The following RPL7L1 variants were observed in gnomAD, a reference collection of about 807,000 sequenced individuals.
The protein encoded by RPL7L1 is ribosomal protein L7 like 1.
In RPL7L1, 20 loss-of-function variants were observed where a neutral mutation model predicts 30.3. The ratio of observed to expected loss-of-function variants is 0.66; its 90% CI spans 0.46 to 0.96. RPL7L1 has a LOEUF of 0.96. Ranked by LOEUF, RPL7L1 falls within the 40% of genes least tolerant of loss-of-function variation. The probability of loss-of-function intolerance (pLI) is 0.00; values close to 1 mark genes in which losing one functional copy is unlikely to be tolerated. For missense variants in RPL7L1, 271 were observed against 314.9 expected, an observed-to-expected ratio of 0.86 and a Z score of 1.05; for synonymous variants, 107 against 110.1, an observed-to-expected ratio of 0.97 and a Z score of 0.18.
At chr6:42,883,395 AAAAGT>A (rs771894666) in intron 2 of RPL7L1, 51 bp from the exon 3 acceptor site, 1 of 1,427,028 alleles carries the variant, frequency 7.0e-7, no homozygotes, top group Non-Finnish European at 9.4e-7. Flanking sequence ...TTACTGTTCT[AAAAGT>A]AAAAATGTAT....
At chr6:42,879,982 T>C (rs1766012539) in intron 1 of RPL7L1, 31 bp downstream of exon 1, 4 of 1,610,484 alleles carry the variant, frequency 2.5e-6, no homozygotes, top group African/African-American at 1.3e-5. Flanking sequence ...ATATCTGGAG[T>C]GGGGTCTTGA....
intron 2 of RPL7L1, chr6:42,882,119 C>CA (rs979741090): frequency 6.6e-6 from 1 of 151,948 alleles, no homozygotes; most frequent in Non-Finnish European, 1.5e-5. Context: ...ATGCTGGTCT[C>CA]AAACTCCCGG....
rs1581658540 is a variant in RPL7L1 at position 42,884,648 on chromosome 6, T to C, written c.347T>C (p.Ile116Thr). Reference protein sequence around the residue: ...DGVSLLVQRTIARLRLKKIFS... With the variant: ...DGVSLLVQRTTARLRLKKIFS... ...GTGAGTTTACTGGTGCAGAGAACCA[T>C]TGCAAGACTTCGCCTAAAGAAAATT... is the stretch of plus-strand genomic sequence containing the variant. Residue 116 changes from isoleucine (I) to threonine (T), a missense_variant, in exon 4 of 6, where the codon ATT becomes ACT. Transcript: ENST00000493763. The C allele has an allele frequency of 1.9e-6, 3 of 1,613,500 alleles. No individual in the cohort carries two copies. Among genetic ancestry groups the C allele is most frequent in the Non-Finnish European group, 2.5e-6 (3 of 1,179,848 alleles).
chr6:42,880,036 C>T, intron 1 of RPL7L1, 85 bp downstream of exon 1: 1 of 1,320,194 alleles, frequency 7.6e-7, no homozygotes, highest in Non-Finnish European at 1.1e-6. Context: ...GTGGCGGATT[C>T]CTGTGGGCTC....
In RPL7L1 at chr6:42,880,961, A is replaced by G; in HGVS notation, c.142A>G (p.Lys48Glu). The G allele has an allele frequency of 6.5e-7, 1 of 1,531,462 alleles. No homozygotes were observed. Among genetic ancestry groups the G allele is most frequent in the Non-Finnish European group, 9.0e-7 (1 of 1,105,166 alleles). 94.9% of individuals were successfully genotyped at this position (1,531,462 alleles called of 1,614,324 possible). Residue 48 changes from lysine to glutamate, a missense_variant, in exon 2 of 6, where the codon AAG (lysine) becomes GAG (glutamate). Transcript: ENST00000493763. ...TQAKQALLAK[K>E]EQKKGKGLRF... ...GGCAAAGCAGGCACTTTTGGCAAAGAAGGAGGTAATGGTGGGGAACCAAGA... is the reference window on the plus strand; with the variant it reads ...GGCAAAGCAGGCACTTTTGGCAAAGGAGGAGGTAATGGTGGGGAACCAAGA...
At chr6:42,885,810 C>T (rs535686321) in intron 4 of RPL7L1, 164 bp from the exon 5 acceptor site, 14 of 569,404 alleles carry the variant, frequency 2.5e-5, no homozygotes, top group Admixed American at 1.5e-4. Context: ...AGTTCTTTAT[C>T]AGGAGTATTT....
rs755611369 is a variant in RPL7L1 at position 42,883,620 on chromosome 6, G to A, written c.311+6G>A. 1 of 1,575,574 alleles carries A rather than the reference G, an allele frequency of 6.3e-7. No individual in the cohort carries two copies. Among genetic ancestry groups the A allele is most frequent in the Non-Finnish European group, 8.6e-7 (1 of 1,162,678 alleles). On this transcript the variant is annotated splice_donor_region_variant and intron_variant, in intron 3 of 5. Coordinates refer to ENST00000493763, the MANE Select transcript of RPL7L1 (RefSeq NM_001366481.3). ...TTTGTTGTACGCATCGAAAGGTAAG[G>A]AACTGGTGTCTTTCTAATTGCATGA...
intron 1 of RPL7L1, among the ~76,000 whole-genome samples, chr6:42,880,165 C>T (rs1053221263): frequency 8.5e-5 from 13 of 152,136 alleles, no homozygotes; most frequent in African/African-American, 3.1e-4. Flanking sequence ...GGATTGACTT[C>T]AGGCAGCGGG....
At chr6:42,881,067 C>G (rs1040725004) in intron 2 of RPL7L1, 101 bp downstream of exon 2, 2 of 695,104 alleles carry the variant, frequency 2.9e-6, no homozygotes, top group African/African-American at 3.6e-5. Flanking sequence ...CTCCCCCCAA[C>G]GGTTTGACAG....
rs1766002395 is a variant in RPL7L1 at position 42,879,843 on chromosome 6, T to C, written c.-68T>C. ...CGCTGACTGGTCCTCCAGCGTGAGC[T>C]AGAACAGACGTCTCTATGGTCAAGT... On this transcript the variant is annotated 5_prime_UTR_variant, in exon 1 of 6. Transcript: ENST00000493763. The C allele has an allele frequency of 1.3e-6, 2 of 1,550,894 alleles. No individual in the cohort carries two copies. The highest frequency in any genetic ancestry group is 2.2e-5 in the South Asian group (2 of 89,678).
intron 3 of RPL7L1, 114 bp from the exon 4 acceptor site, chr6:42,884,499 A>T (rs1029782040): frequency 1.1e-6 from 1 of 927,652 alleles, no homozygotes; most frequent in Middle Eastern, 3.5e-4. Context: ...TCTTTAAGGC[A>T]TAGTCTCTGT....
chr6:42,885,620 AC>A (rs1766239972), intron 4 of RPL7L1: 1 of 181,680 alleles, frequency 5.5e-6, no homozygotes, highest in African/African-American at 2.4e-5. Context: ...CCCAACAAAA[AC>A]TTGGATTTTA....
chr6:42,889,772 GT>G lies in RPL7L1; in HGVS notation c.*3309del, dbSNP rs1291062446. ...AAAACAATAGTTTGTAATTTATTCT[GT>G]CAGAGCAAACTGCTGGTAAATAAAA... On this transcript the variant is annotated 3_prime_UTR_variant, in exon 6 of 6. Coordinates refer to ENST00000493763, the MANE Select transcript of RPL7L1 (RefSeq NM_001366481.3). The G allele has an allele frequency of 6.6e-6, 1 of 152,150 alleles. No homozygotes were observed. Among genetic ancestry groups the G allele is most frequent in the Non-Finnish European group, 1.5e-5 (1 of 68,028 alleles). 9.4% of individuals were successfully genotyped at this position (152,150 alleles called of 1,614,324 possible).
chr6:42,888,159 TTTTG>T lies in RPL7L1; in HGVS notation c.*1699_*1702del, dbSNP rs756662346. ...CTCAGATACCTGTGCATCTTATGGG[TTTTG>T]TTTTTCTCTTTGAGACAGTCTCACC... On this transcript the variant is annotated 3_prime_UTR_variant, in exon 6 of 6. Coordinates refer to ENST00000493763, the MANE Select transcript of RPL7L1 (RefSeq NM_001366481.3). 1 of 152,098 alleles carries T rather than the reference TTTTG, an allele frequency of 6.6e-6. No homozygotes were observed. The highest frequency in any genetic ancestry group is 2.4e-5 in the African/African-American group (1 of 41,412). 9.4% of individuals were successfully genotyped at this position (152,098 alleles called of 1,614,324 possible).
Position 42,884,593 on chromosome 6 carries a change from T to A in RPL7L1, c.312-20T>A, listed in dbSNP as rs1240431453. 3.1e-6 allele frequency: 5 copies of A among 1,609,474 alleles called. No individual in the cohort carries two copies. The Admixed American group carries it at 8.4e-5, about 27-fold the overall frequency. ...TAAACTGGAGGGAGTCTGTCTGACTTCTGTTGCTGTTCATTTCAGGATTGA... is the reference window on the plus strand; with the variant it reads ...TAAACTGGAGGGAGTCTGTCTGACTACTGTTGCTGTTCATTTCAGGATTGA... On this transcript the variant is annotated intron_variant, in intron 3 of 5. Transcript: ENST00000493763.
At position 42,889,818 on chromosome 6, in the gene RPL7L1, A is replaced by G. The variant is rs1474987350; in HGVS notation, c.*3354A>G. The G allele has an allele frequency of 6.6e-6, 1 of 152,248 alleles. No homozygotes were observed. The highest frequency in any genetic ancestry group is 1.5e-5 in the Non-Finnish European group (1 of 68,046). 9.4% of individuals were successfully genotyped at this position (152,248 alleles called of 1,614,324 possible). A position where few individuals can be genotyped will look rare whatever the true frequency, so the allele number is the denominator to read the frequency against. On this transcript the variant is annotated 3_prime_UTR_variant, in exon 6 of 6. Transcript: ENST00000493763. ...ATAAAAGGGACTAAGTTGACGAAAA[A>G]TAAATTTTAAAAAACCTAATAAAAC...
rs771226910 is a variant in RPL7L1 at position 42,884,661 on chromosome 6, C to G, written c.360C>G (p.Arg120=). The part of the protein sequence containing the change: ...LLVQRTIARL[R]LKKIFSGVFV... ...TGCAGAGAACCATTGCAAGACTTCGCCTAAAGAAAATTTTTAGTGGTGTCT... is the reference window on the plus strand; with the variant it reads ...TGCAGAGAACCATTGCAAGACTTCGGCTAAAGAAAATTTTTAGTGGTGTCT... Residue 120 remains arginine, a synonymous_variant, in exon 4 of 6, where the codon CGC becomes CGG. Coordinates refer to ENST00000493763, the MANE Select transcript of RPL7L1 (RefSeq NM_001366481.3). 2.5e-6 allele frequency: 4 copies of G among 1,613,734 alleles called. No individual in the cohort carries two copies. The highest frequency in any genetic ancestry group is 3.4e-6 in the Non-Finnish European group (4 of 1,179,854).
At chr6:42,881,162 C>A in intron 2 of RPL7L1, 196 bp downstream of exon 2, 1 of 461,158 alleles carries the variant, frequency 2.2e-6, no homozygotes, top group Non-Finnish European at 3.9e-6. Flanking sequence ...GCTGAAGTCC[C>A]TTATATAAAA....
chr6:42,886,641 T>C lies in RPL7L1; in HGVS notation c.*177T>C, dbSNP rs1766279212. The stretch of plus-strand genomic sequence containing the variant: ...CCTGCTGGGATCAGTGAATGCCTGA[T>C]TAGGACATGGGGCTATGCATAGCCT... On this transcript the variant is annotated 3_prime_UTR_variant, in exon 6 of 6. Transcript: ENST00000493763. 8.3e-6 allele frequency: 5 copies of C among 601,326 alleles called. No homozygotes were observed. Among genetic ancestry groups the C allele is most frequent in the Non-Finnish European group, 1.5e-5 (5 of 338,132 alleles). 37.2% of individuals were successfully genotyped at this position (601,326 alleles called of 1,614,324 possible).
Sources: allele counts gnomAD v4.1 joint callset (sites outside exome capture counted in the v4.1 genomes callset), GRCh38; gene constraint gnomAD v4.1.1; transcripts MANE v1.5; gene names NCBI Gene and HGNC (gene_info 2026-07-23, HGNC 2026-07-21).